Variants in PHEX observed in about 807,000 individuals in gnomAD.
PHEX encodes phosphate regulating endopeptidase X-linked.
PHEX carries 16 observed loss-of-function variants against 68.0 expected under a neutral mutation model. That is an observed-to-expected ratio of 0.24 (90% CI 0.16 to 0.36). The LOEUF is 0.36. Among genes scored for constraint, PHEX ranks in the 10% least tolerant of loss-of-function variants. The pLI is 1.00. For missense variants in PHEX, 480 were observed against 575.5 expected (o/e 0.83, Z 1.70); for synonymous variants, 208 against 205.1 (o/e 1.01, Z -0.12).
At chrX:22,144,560 T>C (rs1322473822) in intron 12 of PHEX, among the ~76,000 whole-genome samples, 1 of 111,077 alleles carries the variant, frequency 9.0e-6, no homozygotes, top group Non-Finnish European at 1.9e-5. Context: ...ATCATTTTAC[T>C]ATGATTCCAT....
intron 3 of PHEX, among the ~76,000 whole-genome samples, chrX:22,049,204 G>A (rs1927694052): frequency 9.0e-6 from 1 of 111,472 alleles, no homozygotes; most frequent in Non-Finnish European, 1.9e-5. Flanking sequence ...CGCCTCCTGG[G>A]TTCAAACGAG....
At chrX:22,213,095 T>C in intron 16 of PHEX, 137 bp downstream of exon 16, 1 of 534,049 alleles carries the variant, frequency 1.9e-6, no homozygotes, top group South Asian at 2.6e-5. Context: ...GCCTGTACTC[T>C]TATCATTTTA....
At chrX:22,150,994 T>A (rs1160630438) in intron 12 of PHEX, among the ~76,000 whole-genome samples, 2 of 112,079 alleles carry the variant, frequency 1.8e-5, no homozygotes, top group Non-Finnish European at 1.9e-5. Flanking sequence ...AGGTCTGAAC[T>A]GTAGAGGCAG....
chrX:22,201,312 G>T (rs887032993), intron 15 of PHEX, among the ~76,000 whole-genome samples: 1 of 110,970 alleles, frequency 9.0e-6, no homozygotes, highest in African/African-American at 3.3e-5. Flanking sequence ...GAGCAGCTGG[G>T]ACTACAGGCG....
At chrX:22,061,028 T>C (rs922819382) in intron 3 of PHEX, among the ~76,000 whole-genome samples, 1 of 111,423 alleles carries the variant, frequency 9.0e-6, no homozygotes, top group African/African-American at 3.3e-5. Context: ...GTGGTAACAA[T>C]TCCTGAAGCT....
intron 7 of PHEX, among the ~76,000 whole-genome samples, chrX:22,096,524 T>C (rs1371612157): frequency 8.9e-6 from 1 of 111,930 alleles, no homozygotes; most frequent in Non-Finnish European, 1.9e-5. Flanking sequence ...GGCATCCAGA[T>C]AGTCTTGTGT....
intron 11 of PHEX, 87 bp downstream of exon 11, chrX:22,114,673 C>G (rs1432393813): frequency 4.8e-6 from 4 of 829,251 alleles, no homozygotes; most frequent in Non-Finnish European, 7.2e-6. Context: ...TGTCAGCCTT[C>G]CAGGTGGTAG....
intron 20 of PHEX, among the ~76,000 whole-genome samples, chrX:22,232,724 C>G (rs977573378): frequency 9.5e-6 from 1 of 105,084 alleles, no homozygotes; most frequent in African/African-American, 3.5e-5. Context: ...CTGAATACAG[C>G]ACATTGATAG....
intron 20 of PHEX, among the ~76,000 whole-genome samples, chrX:22,244,290 C>T (rs936977370): frequency 3.6e-5 from 4 of 109,975 alleles, no homozygotes; most frequent in East Asian, 2.9e-4. Context: ...TCCAGGGGGT[C>T]GGGGGCTAAG....
At chrX:22,224,950 T>TATCATACAGCGCTGTATGATTTATA (rs1935405749) in intron 18 of PHEX, among the ~76,000 whole-genome samples, 1 of 113,767 alleles carries the variant, frequency 8.8e-6, no homozygotes. Flanking sequence ...TAACATAAAT[T>TATCATACAGCGCTGTATGATTTATA]ATCATACAGC....
intron 9 of PHEX, among the ~76,000 whole-genome samples, chrX:22,106,778 CAAAAA>C (rs10647092): frequency 1.9e-5 from 1 of 53,340 alleles, no homozygotes; most frequent in Non-Finnish European, 3.5e-5. Context: ...AACTCTGTCT[CAAAAA>C]AAAAAAAAAA....
At chrX:22,065,963 C>T (rs756477560) in intron 3 of PHEX, among the ~76,000 whole-genome samples, 1 of 111,623 alleles carries the variant, frequency 9.0e-6, no homozygotes, top group East Asian at 2.8e-4. Flanking sequence ...TTAACCCCGG[C>T]GGAAAGAGTT....
intron 20 of PHEX, among the ~76,000 whole-genome samples, chrX:22,232,250 A>G: frequency 9.0e-6 from 1 of 111,347 alleles, no homozygotes; most frequent in East Asian, 2.8e-4. Context: ...TATTCTATTG[A>G]TTTGGGGTGG....
chrX:22,243,715 A>G (rs1034110834), intron 20 of PHEX, among the ~76,000 whole-genome samples: 10 of 112,579 alleles, frequency 8.9e-5, no homozygotes, highest in African/African-American at 3.2e-4. Flanking sequence ...ATGCAAATCA[A>G]TCAAAACCAC....
rs1188645457 is a variant in PHEX, at chrX:22,250,996, C to A, written c.*3043C>A. On this transcript the variant is annotated 3_prime_UTR_variant, in exon 22 of 22. Transcript: ENST00000379374. ...CTGACCTGTGGATTAAACTCTATCC[C>A]TTAGATTATCCCATTTCTAAATACA... 8.9e-6 allele frequency: 1 copy of A among 112,083 alleles called. No homozygotes were observed. Among genetic ancestry groups the A allele is most frequent in the Non-Finnish European group, 1.9e-5 (1 of 53,209 alleles). 9.2% of individuals were successfully genotyped at this position (112,083 alleles called of 1,213,427 possible). A position where few individuals can be genotyped will look rare whatever the true frequency, so the allele number is the denominator to read the frequency against.
At chrX:22,063,857 T>G (rs1928481279) in intron 3 of PHEX, among the ~76,000 whole-genome samples, 2 of 113,073 alleles carry the variant, frequency 1.8e-5, no homozygotes, top group South Asian at 7.2e-4. Context: ...GAAATACTAG[T>G]TCTTCTGAAG....
intron 2 of PHEX, among the ~76,000 whole-genome samples, chrX:22,043,436 A>G (rs981347284): frequency 1.8e-5 from 2 of 111,868 alleles, no homozygotes; most frequent in African/African-American, 6.5e-5. Flanking sequence ...AATTTGCATA[A>G]TGATTCCATG....
At chrX:22,076,963 C>T (rs1274915808) in intron 4 of PHEX, among the ~76,000 whole-genome samples, 1 of 112,139 alleles carries the variant, frequency 8.9e-6, no homozygotes, top group Non-Finnish European at 1.9e-5. Context: ...GGCCACTTGA[C>T]CTGGTCTGCC....
chrX:22,081,331 AG>A (rs1277175382), intron 5 of PHEX, among the ~76,000 whole-genome samples: 1 of 111,153 alleles, frequency 9.0e-6, no homozygotes, highest in Non-Finnish European at 1.9e-5. Context: ...ATTCCTTCTC[AG>A]ATCCTGCCAT....
Sources: allele counts gnomAD v4.1 joint callset (sites outside exome capture counted in the v4.1 genomes callset), GRCh38; gene constraint gnomAD v4.1.1; transcripts MANE v1.5; gene names NCBI Gene and HGNC (gene_info 2026-07-23, HGNC 2026-07-21).